Variants in COL22A1 observed in about 807,000 individuals in gnomAD.
COL22A1 encodes collagen type XXII alpha 1 chain, also known as collagen alpha-1(XXII) chain.
In COL22A1, 221 loss-of-function variants were observed where a neutral mutation model predicts 248.9. That is an observed-to-expected ratio of 0.89 (90% CI 0.80 to 0.99). The LOEUF is 0.99. Ranked by LOEUF, COL22A1 falls within the 50% of genes least tolerant of loss-of-function variation. The probability of loss-of-function intolerance (pLI) is 0.00; values close to 1 mark genes in which losing one functional copy is unlikely to be tolerated. For missense variants in COL22A1, 2,240 were observed against 2,179.0 expected (o/e 1.03, Z -0.56); for synonymous variants, 891 against 793.4 (o/e 1.12, Z -2.07).
intron 30 of COL22A1, 73 bp downstream of exon 30, chr8:138,715,594 ATAGAGTATATTCTGC>A: frequency 1.4e-6 from 1 of 711,006 alleles, no homozygotes; most frequent in East Asian, 2.7e-5. Context: ...AAAAAAAAAG[ATAGAGTATATTCTGC>A]AGAAAATCTC....
intron 3 of COL22A1, among the ~76,000 whole-genome samples, chr8:138,853,861 T>TA (rs1435840154): frequency 6.6e-6 from 1 of 152,210 alleles, no homozygotes; most frequent in Non-Finnish European, 1.5e-5. Context: ...AACTCATTAA[T>TA]ACCCAGAATT....
intron 5 of COL22A1, chr8:138,827,217 G>A: frequency 5.7e-6 from 1 of 175,358 alleles, no homozygotes; most frequent in South Asian, 1.5e-4. Flanking sequence ...GGATGCCATG[G>A]TCTGAATGTT....
chr8:138,736,547 T>C (rs1831124107), intron 23 of COL22A1, among the ~76,000 whole-genome samples: 1 of 152,064 alleles, frequency 6.6e-6, no homozygotes, highest in African/African-American at 2.4e-5. Flanking sequence ...ACCCCTCATC[T>C]ATGACATGGG....
chr8:138,875,268 T>C (rs899329088), intron 3 of COL22A1, among the ~76,000 whole-genome samples: 9 of 152,164 alleles, frequency 5.9e-5, no homozygotes, highest in African/African-American at 2.2e-4. Context: ...GCCTGGAGTC[T>C]GAAGGCCTGG....
intron 3 of COL22A1, among the ~76,000 whole-genome samples, chr8:138,877,208 G>C (rs1823784430): frequency 6.6e-6 from 1 of 152,096 alleles, no homozygotes; most frequent in South Asian, 2.1e-4. Flanking sequence ...CTTGGCCTCT[G>C]GGATAAGCAC....
chr8:138,838,123 C>T (rs529133652), intron 4 of COL22A1, among the ~76,000 whole-genome samples: 1 of 151,788 alleles, frequency 6.6e-6, no homozygotes, highest in Non-Finnish European at 1.5e-5. Context: ...GTTCCTGTCC[C>T]TGTTCTCAGA....
intron 3 of COL22A1, among the ~76,000 whole-genome samples, chr8:138,862,880 G>A (rs1313184397): frequency 6.6e-6 from 1 of 151,802 alleles, no homozygotes; most frequent in Non-Finnish European, 1.5e-5. Context: ...AGCGTCCCCT[G>A]GTGCACTTTT....
intron 23 of COL22A1, among the ~76,000 whole-genome samples, chr8:138,726,598 C>G (rs1304699897): frequency 6.6e-6 from 1 of 151,996 alleles, no homozygotes; most frequent in East Asian, 1.9e-4. Flanking sequence ...GTCGTTCTTG[C>G]ACCTGGGAGT....
rs1818018388 is a variant in COL22A1, at chr8:138,809,528, C to CTTTTTTTTTCT, written c.1450-1717_1450-1716insAGAAAAAAAAA. Among the ~76,000 whole-genome samples, 2 of 117,630 alleles carry CTTTTTTTTTCT rather than the reference C, an allele frequency of 1.7e-5. 1 individual carries two copies. The highest frequency in any genetic ancestry group is 6.6e-5 in the African/African-American group (2 of 30,110). 77.2% of individuals were successfully genotyped at this position (117,630 alleles called of 152,430 possible). ...TTTCTTCTTCTCTTTTTTTCTTTTT[C>CTTTTTTTTTCT]TTTTTTTTTTGAGACAGAGTCTCAC... is the stretch of plus-strand genomic sequence containing the variant. On this transcript the variant is annotated intron_variant, in intron 9 of 64. Transcript: ENST00000303045.
intron 58 of COL22A1, 36 bp downstream of exon 58, chr8:138,606,345 C>T: frequency 2.5e-6 from 4 of 1,585,914 alleles, no homozygotes; most frequent in South Asian, 2.3e-5. Context: ...TACCTGGAGC[C>T]AGGTATCTTG....
At chr8:138,648,584 C>CT (rs143017862) in intron 46 of COL22A1, among the ~76,000 whole-genome samples, 89 of 149,202 alleles carry the variant, frequency 6.0e-4, no homozygotes, top group East Asian at 1.6e-3. Context: ...GCAAAGAAGG[C>CT]TTTTTTTTTT....
At chr8:138,795,033 T>G (rs1453929992) in intron 12 of COL22A1, among the ~76,000 whole-genome samples, 1 of 152,086 alleles carries the variant, frequency 6.6e-6, no homozygotes, top group Non-Finnish European at 1.5e-5. Flanking sequence ...ACTTAAAAGT[T>G]TGTTAGGAGG....
intron 41 of COL22A1, among the ~76,000 whole-genome samples, chr8:138,673,747 G>A (rs2130785927): frequency 6.6e-6 from 1 of 152,210 alleles, no homozygotes; most frequent in African/African-American, 2.4e-5. Flanking sequence ...GGAAAACAGT[G>A]ATGTAGTGGA....
rs561387366 is a variant in COL22A1, at chr8:138,769,510, C to A, written c.1803+6456G>T. Among the ~76,000 whole-genome samples, 4 of 152,250 alleles carry A rather than the reference C, an allele frequency of 2.6e-5. No homozygotes were observed. The East Asian group carries it at 7.8e-4, about 30-fold the overall frequency. On this transcript the variant is annotated intron_variant, in intron 16 of 64. Transcript: ENST00000303045. ...CCTCCAAGCTAATGATGCCCATTCC[C>A]AGGGACTTCCACCCAAAGGGCTGCC...
intron 11 of COL22A1, among the ~76,000 whole-genome samples, chr8:138,800,763 A>G (rs1816933312): frequency 6.6e-6 from 1 of 152,202 alleles, no homozygotes. Context: ...GTTTCTCTGA[A>G]TTCAGAATGT....
At position 138,662,013 on chromosome 8, in the gene COL22A1, C is replaced by T. The variant is rs1374060799; in HGVS notation, c.3240+17G>A. On this transcript the variant is annotated intron_variant, in intron 43 of 64. Coordinates refer to ENST00000303045, the MANE Select transcript of COL22A1 (RefSeq NM_152888.3). ...GTAAGGGCCTTCACTGAGTCCACGC[C>T]ATTTCTCTGTACTTACGTCCCGGCC... 3 of 1,607,326 alleles carry T rather than the reference C, an allele frequency of 1.9e-6. No homozygotes were observed. In the South Asian group the frequency reaches 3.3e-5, roughly 18 times the overall value.
intron 16 of COL22A1, among the ~76,000 whole-genome samples, chr8:138,769,262 C>T (rs1195599167): frequency 1.3e-5 from 2 of 152,202 alleles, no homozygotes; most frequent in Non-Finnish European, 2.9e-5. Context: ...GTGAACTCAA[C>T]AGTTCAACAA....
At position 138,780,930 on chromosome 8, in the gene COL22A1, C is replaced by T. The variant is rs144244180; in HGVS notation, c.1647G>A (p.Met549Ile). The change falls in exon 13 of 65, where the codon ATG (methionine) becomes ATA (isoleucine). Residue 549 changes from methionine to isoleucine, a missense_variant. By Grantham distance (10) the Met-to-Ile change is conservative (BLOSUM62 1). Coordinates refer to ENST00000303045, the MANE Select transcript of COL22A1 (RefSeq NM_152888.3). ...GPPGRDGSKG[M>I]RGEPGELGEP... is the part of the protein sequence containing the mutation. ...GGGCAGACGGAACAGAACTTACTCT[C>T]ATGCCTTTGCTGCCGTCTCTCCCAG... 115 of 1,613,462 alleles carry T rather than the reference C, an allele frequency of 7.1e-5. No homozygotes were observed. The highest frequency in any genetic ancestry group is 9.0e-5 in the Non-Finnish European group (106 of 1,179,592).
chr8:138,605,694 A>G (rs1818368023), intron 58 of COL22A1, among the ~76,000 whole-genome samples: 1 of 152,176 alleles, frequency 6.6e-6, no homozygotes, highest in African/African-American at 2.4e-5. Flanking sequence ...TCAGCAGTCC[A>G]GGGAGTGGAC....
Sources: allele counts gnomAD v4.1 joint callset (sites outside exome capture counted in the v4.1 genomes callset), GRCh38; gene constraint gnomAD v4.1.1; transcripts MANE v1.5; gene names NCBI Gene and HGNC (gene_info 2026-07-23, HGNC 2026-07-21).